The following IL1RAPL1 variants were observed in gnomAD, a reference collection of about 807,000 sequenced individuals.
IL1RAPL1 encodes interleukin 1 receptor accessory protein like 1.
In IL1RAPL1, 3 loss-of-function variants were observed where a neutral mutation model predicts 48.4. The observed-to-expected ratio is 0.06, with a 90% CI of 0.03 to 0.16. The LOEUF is 0.16. IL1RAPL1 is among the 10% of genes least tolerant of loss of function. The pLI, the probability that IL1RAPL1 is intolerant of heterozygous loss-of-function variation, is 1.00. For synonymous variants in IL1RAPL1, 185 were observed against 187.7 expected (o/e 0.99, Z 0.12); for missense variants, 349 against 530.6 (o/e 0.66, Z 3.36).
At chrX:29,798,233 A>G (rs1174926458) in intron 6 of IL1RAPL1, among the ~76,000 whole-genome samples, 2 of 112,044 alleles carry the variant, frequency 1.8e-5, no homozygotes, top group Non-Finnish European at 3.8e-5. Context: ...GTATTATTTA[A>G]TTTCTACTAA....
intron 6 of IL1RAPL1, among the ~76,000 whole-genome samples, chrX:29,795,653 C>T (rs1929726496): frequency 8.8e-6 from 1 of 113,101 alleles, no homozygotes; most frequent in Non-Finnish European, 1.9e-5. Context: ...TCAAGCGATC[C>T]ACCTGCCTCA....
At chrX:29,950,353 C>G (rs1385569538) in intron 9 of IL1RAPL1, among the ~76,000 whole-genome samples, 1 of 111,968 alleles carries the variant, frequency 8.9e-6, no homozygotes, top group Admixed American at 9.4e-5. Context: ...TTAGGACGAT[C>G]TATCATGGAG....
intron 5 of IL1RAPL1, among the ~76,000 whole-genome samples, chrX:29,555,898 G>GT (rs1383222404): frequency 8.9e-6 from 1 of 112,274 alleles, no homozygotes; most frequent in Non-Finnish European, 1.9e-5. Flanking sequence ...TTGCAGGAAT[G>GT]TGCACTATGC....
At chrX:29,402,703 T>C (rs67063062) in intron 5 of IL1RAPL1, among the ~76,000 whole-genome samples, 14,337 of 111,225 alleles carry the variant, frequency 0.13, 1,310 homozygotes, top group African/African-American at 0.33. Flanking sequence ...TCCTTGTTTC[T>C]GTTCCAGGAT....
At chrX:29,851,426 A>G (rs1331542444) in intron 6 of IL1RAPL1, among the ~76,000 whole-genome samples, 1 of 112,112 alleles carries the variant, frequency 8.9e-6, no homozygotes, top group Admixed American at 9.5e-5. Flanking sequence ...CATGCAAACA[A>G]GAACAAATTG....
At chrX:29,952,790 T>C (rs1177189309) in intron 9 of IL1RAPL1, among the ~76,000 whole-genome samples, 1 of 112,350 alleles carries the variant, frequency 8.9e-6, no homozygotes, top group Non-Finnish European at 1.9e-5. Flanking sequence ...GGTATGATTG[T>C]TTTTCTTAAA....
At chrX:29,150,758 C>T (rs750697858) in intron 2 of IL1RAPL1, among the ~76,000 whole-genome samples, 1 of 108,898 alleles carries the variant, frequency 9.2e-6, no homozygotes, top group South Asian at 4.0e-4. Flanking sequence ...CCCGTCTCTA[C>T]TAAAAATACA....
intron 5 of IL1RAPL1, among the ~76,000 whole-genome samples, chrX:29,443,711 G>T (rs1306413150): frequency 8.9e-6 from 1 of 111,787 alleles, no homozygotes; most frequent in Non-Finnish European, 1.9e-5. Context: ...GTATGGTGGG[G>T]TCGTCAATTT....
intron 2 of IL1RAPL1, among the ~76,000 whole-genome samples, chrX:29,049,877 T>G (rs1217295962): frequency 8.9e-6 from 1 of 112,558 alleles, no homozygotes; most frequent in Admixed American, 9.4e-5. Flanking sequence ...GTACATTCGT[T>G]AAAACTAAGA....
At chrX:29,773,587 A>T (rs988360616) in intron 6 of IL1RAPL1, among the ~76,000 whole-genome samples, 6 of 112,242 alleles carry the variant, frequency 5.3e-5, no homozygotes, top group Admixed American at 9.5e-5. Context: ...CTCTCATTGA[A>T]TTTTTCCTTG....
At chrX:29,083,780 T>C (rs1186180036) in intron 2 of IL1RAPL1, among the ~76,000 whole-genome samples, 1 of 112,001 alleles carries the variant, frequency 8.9e-6, no homozygotes, top group African/African-American at 3.2e-5. Context: ...GTTAGGTACA[T>C]AGAGTATAGT....
chrX:28,803,674 T>A (rs910090953), intron 2 of IL1RAPL1, among the ~76,000 whole-genome samples: 3 of 112,058 alleles, frequency 2.7e-5, no homozygotes, highest in Non-Finnish European at 5.6e-5. Context: ...TGAGCACTCA[T>A]CTAAAATATG....
chrX:29,842,782 A>G (rs1026093829), intron 6 of IL1RAPL1, among the ~76,000 whole-genome samples: 1 of 112,057 alleles, frequency 8.9e-6, no homozygotes, highest in African/African-American at 3.2e-5. Context: ...GGAGGAGAGT[A>G]TGTACTTTCA....
chrX:29,244,438 AT>A (rs1050709181), intron 2 of IL1RAPL1, among the ~76,000 whole-genome samples: 3 of 112,379 alleles, frequency 2.7e-5, no homozygotes, highest in Admixed American at 9.4e-5. Context: ...TGTTAATAGC[AT>A]TTTGATGGGA....
intron 6 of IL1RAPL1, among the ~76,000 whole-genome samples, chrX:29,847,756 C>A (rs1331073250): frequency 1.8e-5 from 2 of 111,620 alleles, no homozygotes; most frequent in Non-Finnish European, 3.8e-5. Context: ...TGTGCTTTAT[C>A]TTTGATTTGA....
chrX:29,582,465 C>T (rs1178270871), intron 5 of IL1RAPL1, among the ~76,000 whole-genome samples: 2 of 91,843 alleles, frequency 2.2e-5, no homozygotes, highest in African/African-American at 8.4e-5. Flanking sequence ...CATATGTATA[C>T]ATGTGCCATA....
At chrX:29,211,299 A>G (rs1930765175) in intron 2 of IL1RAPL1, among the ~76,000 whole-genome samples, 1 of 112,208 alleles carries the variant, frequency 8.9e-6, no homozygotes, top group African/African-American at 3.2e-5. Context: ...ATTCCCAATT[A>G]TTTGTTCAAT....
intron 3 of IL1RAPL1, among the ~76,000 whole-genome samples, chrX:29,367,401 G>A (rs1196602874): frequency 9.0e-6 from 1 of 110,962 alleles, no homozygotes; most frequent in Non-Finnish European, 1.9e-5. Flanking sequence ...GAAGAATATT[G>A]TCTGGCAAAT....
intron 2 of IL1RAPL1, among the ~76,000 whole-genome samples, chrX:28,926,794 T>TTA (rs1923754742): frequency 9.0e-6 from 1 of 111,353 alleles, no homozygotes; most frequent in Non-Finnish European, 1.9e-5. Flanking sequence ...TATGTCTTCT[T>TTA]TTTACTTCAT....
Sources: gnomAD v4.1 joint callset for allele counts (sites outside exome capture counted in the v4.1 genomes callset) on GRCh38, gnomAD v4.1.1 for gene constraint, MANE v1.5 for transcripts, NCBI Gene and HGNC (gene_info 2026-07-23, HGNC 2026-07-21) for gene names.